The following ERC2 variants were observed in gnomAD, a reference collection of about 807,000 sequenced individuals.
The protein encoded by ERC2 is ERC protein 2.
A neutral mutation model predicts 114.8 loss-of-function variants in ERC2; 42 were observed. That is an observed-to-expected ratio of 0.37 (90% CI 0.29 to 0.47). The LOEUF (loss-of-function observed/expected upper bound fraction) is 0.47, where lower values mean the gene tolerates loss of function less well. ERC2 is among the 20% of genes least tolerant of loss of function. The pLI is 0.99. For synonymous variants in ERC2, 454 were observed against 425.5 expected, an observed-to-expected ratio of 1.07 and a Z score of -0.82; for missense variants, 939 against 1,150.7, an observed-to-expected ratio of 0.82 and a Z score of 2.66.
intron 17 of ERC2, among the ~76,000 whole-genome samples, chr3:55,614,894 A>G (rs2059062224): frequency 1.3e-5 from 2 of 152,238 alleles, no homozygotes; most frequent in South Asian, 2.1e-4. Context: ...TATATCACTT[A>G]CCACTAAAAC....
chr3:56,205,922 T>A (rs1252002735), intron 3 of ERC2, among the ~76,000 whole-genome samples: 1 of 152,040 alleles, frequency 6.6e-6, no homozygotes, highest in Non-Finnish European at 1.5e-5. Context: ...ACAAATTATA[T>A]CTCCTTTCTT....
chr3:56,254,332 C>A (rs911485138), intron 3 of ERC2, among the ~76,000 whole-genome samples: 1 of 142,054 alleles, frequency 7.0e-6, no homozygotes, highest in African/African-American at 2.4e-5. Flanking sequence ...AGCCCTTAAA[C>A]CCCTTTTTTT....
chr3:56,125,254 G>A (rs73091265), intron 6 of ERC2, among the ~76,000 whole-genome samples: 2,157 of 152,142 alleles, frequency 0.014, 21 homozygotes, highest in Middle Eastern at 0.02. Flanking sequence ...CTTGAATCAG[G>A]CTTATGTTTT....
intron 3 of ERC2, chr3:56,185,084 A>G (rs900343799): frequency 2.0e-5 from 3 of 152,268 alleles, no homozygotes; most frequent in African/African-American, 7.2e-5. Context: ...TCATTATTCT[A>G]TTTCTTACAT....
chr3:56,367,724 T>C (rs992871720), intron 2 of ERC2, among the ~76,000 whole-genome samples: 1 of 152,054 alleles, frequency 6.6e-6, no homozygotes, highest in East Asian at 1.9e-4. Context: ...CCAAACTTTA[T>C]CAAGCTGCAA....
intron 17 of ERC2, among the ~76,000 whole-genome samples, chr3:55,587,127 C>T (rs551818727): frequency 3.6e-4 from 55 of 151,088 alleles, no homozygotes; most frequent in African/African-American, 1.2e-3. Flanking sequence ...ATAACTTGCC[C>T]CTTCCCCTTC....
At chr3:55,574,050 T>C (rs376403893) in intron 17 of ERC2, among the ~76,000 whole-genome samples, 2 of 152,220 alleles carry the variant, frequency 1.3e-5, no homozygotes, top group African/African-American at 4.8e-5. Flanking sequence ...GCAGTAATCA[T>C]AGCAGTTATT....
At chr3:56,409,282 A>G (rs568502752) in intron 2 of ERC2, among the ~76,000 whole-genome samples, 1 of 152,096 alleles carries the variant, frequency 6.6e-6, no homozygotes, top group Non-Finnish European at 1.5e-5. Flanking sequence ...TGTTTGTTTT[A>G]TATTTAAAAA....
At chr3:55,550,801 G>T (rs2055119844) in intron 17 of ERC2, among the ~76,000 whole-genome samples, 1 of 152,142 alleles carries the variant, frequency 6.6e-6, no homozygotes, top group Non-Finnish European at 1.5e-5. Flanking sequence ...CAGATCACGA[G>T]GTCAGGAGAT....
chr3:55,583,528 CCTTCCTTCCTTCCTTTCTT>C (rs2057416330), intron 17 of ERC2, among the ~76,000 whole-genome samples: 4 of 56,250 alleles, frequency 7.1e-5, no homozygotes, highest in African/African-American at 2.7e-4. Context: ...TCCCTCCCTT[CCTTCCTTCCTTCCTTTCTT>C]CCTTCCTTCC....
chr3:56,003,896 T>C (rs576083932), intron 10 of ERC2, among the ~76,000 whole-genome samples: 1 of 152,224 alleles, frequency 6.6e-6, no homozygotes, highest in South Asian at 2.1e-4. Flanking sequence ...CTGAATATTA[T>C]TTTAAACTGC....
Position 55,610,064 on chromosome 3 carries a change from CA to C in ERC2, c.*39+73729del, listed in dbSNP as rs36088271. On this transcript the variant is annotated intron_variant, in intron 17 of 17. Transcript: ENST00000288221. ...AAAGCAAAAAACAAACAAACACAAACAAAAAAAAAAAAAAAAAAAACAAGAA... is the reference window on the plus strand; with the variant it reads ...AAAGCAAAAAACAAACAAACACAAACAAAAAAAAAAAAAAAAAAACAAGAA... Among the ~76,000 whole-genome samples the C allele has an allele frequency of 5.9e-3, 701 of 118,712 alleles. 5 individuals are homozygous for C. The highest frequency in any genetic ancestry group is 0.014 in the African/African-American group (476 of 35,210). The allele number at this position is 118,712 out of a possible 152,430, so 77.9% of individuals were successfully genotyped here.
At chr3:55,672,140 C>T (rs2061585184) in intron 17 of ERC2, among the ~76,000 whole-genome samples, 1 of 152,014 alleles carries the variant, frequency 6.6e-6, no homozygotes, top group African/African-American at 2.4e-5. Context: ...AAGTTTGAGA[C>T]CAACCTGGAC....
At chr3:55,538,853 C>T (rs777451871) in intron 17 of ERC2, among the ~76,000 whole-genome samples, 7 of 152,160 alleles carry the variant, frequency 4.6e-5, no homozygotes, top group Non-Finnish European at 8.8e-5. Flanking sequence ...CTACCAGCCA[C>T]GCTTCCTCTA....
At chr3:55,965,317 ACATTTAAAATGCAGCC>A (rs1384632465) in intron 12 of ERC2, among the ~76,000 whole-genome samples, 3 of 152,236 alleles carry the variant, frequency 2.0e-5, no homozygotes, top group Non-Finnish European at 2.9e-5. Context: ...TGACTATTGG[ACATTTAAAATGCAGCC>A]CATGCAACTG....
chr3:55,530,876 AAC>A (rs1333031939), intron 17 of ERC2, among the ~76,000 whole-genome samples: 2 of 152,174 alleles, frequency 1.3e-5, no homozygotes, highest in East Asian at 3.9e-4. Context: ...CCTCCACCAG[AAC>A]ACCTTTCCAT....
At chr3:55,813,918 T>C (rs930748410) in intron 14 of ERC2, among the ~76,000 whole-genome samples, 2 of 152,130 alleles carry the variant, frequency 1.3e-5, no homozygotes, top group African/African-American at 4.8e-5. Flanking sequence ...TTCAACTTCT[T>C]CTCATGTAAC....
At chr3:55,713,943 CA>C (rs2063930858) in intron 15 of ERC2, among the ~76,000 whole-genome samples, 1 of 152,194 alleles carries the variant, frequency 6.6e-6, no homozygotes, top group African/African-American at 2.4e-5. Flanking sequence ...GTCTTTCTAT[CA>C]ACCTTATCAA....
chr3:56,336,056 C>A (rs962578187), intron 2 of ERC2, among the ~76,000 whole-genome samples: 2 of 152,166 alleles, frequency 1.3e-5, no homozygotes, highest in Non-Finnish European at 2.9e-5. Flanking sequence ...GGAAAGAACA[C>A]CCCAGACCAA....
Sources: allele counts gnomAD v4.1 joint callset (sites outside exome capture counted in the v4.1 genomes callset), GRCh38; gene constraint gnomAD v4.1.1; transcripts MANE v1.5; gene names NCBI Gene and HGNC (gene_info 2026-07-23, HGNC 2026-07-21).